NDRG3: variants seen among roughly 807,000 people sequenced by gnomAD.
NDRG3 encodes NDRG family member 3.
NDRG3 carries 23 observed loss-of-function variants against 57.2 expected under a neutral mutation model. The observed-to-expected ratio is 0.40, with a 90% CI of 0.29 to 0.57. The LOEUF (loss-of-function observed/expected upper bound fraction) is 0.57, where lower values mean the gene tolerates loss of function less well. Among genes scored for constraint, NDRG3 ranks in the 20% least tolerant of loss-of-function variants. NDRG3 has a pLI of 0.42. For missense variants in NDRG3, 384 were observed against 457.3 expected, an observed-to-expected ratio of 0.84 and a Z score of 1.46; for synonymous variants, 132 against 162.6, an observed-to-expected ratio of 0.81 and a Z score of 1.43.
chr20:36,655,850 T>C (rs1042917163), intron 15 of NDRG3, among the ~76,000 whole-genome samples: 5 of 152,108 alleles, frequency 3.3e-5, no homozygotes, highest in Non-Finnish European at 7.3e-5. Flanking sequence ...ATTAAGAATA[T>C]ATAGGTTGGG....
At chr20:36,664,949 A>G (rs1979491879) in intron 12 of NDRG3, 97 bp downstream of exon 12, 2 of 1,253,340 alleles carry the variant, frequency 1.6e-6, no homozygotes, top group African/African-American at 1.5e-5. Flanking sequence ...TCAGCCTCTC[A>G]AAGTGTTGGG....
intron 9 of NDRG3, 63 bp downstream of exon 9, chr20:36,671,278 G>T: frequency 7.3e-7 from 1 of 1,361,358 alleles, no homozygotes; most frequent in Non-Finnish European, 1.0e-6. Flanking sequence ...CTTTCCTAAG[G>T]TAAAATAAGA....
intron 8 of NDRG3, among the ~76,000 whole-genome samples, chr20:36,676,306 G>A (rs964487993): frequency 5.3e-5 from 8 of 151,978 alleles, no homozygotes; most frequent in African/African-American, 7.2e-5. Context: ...TCTTTTAGCA[G>A]GAAATAAAAC....
At chr20:36,703,646 C>CT (rs1044529819) in intron 3 of NDRG3, among the ~76,000 whole-genome samples, 2 of 151,956 alleles carry the variant, frequency 1.3e-5, no homozygotes, top group African/African-American at 4.8e-5. Context: ...AGAAGGGGGT[C>CT]TCCCTATGTT....
At chr20:36,688,920 G>A (rs971575744) in intron 3 of NDRG3, 136 bp from the exon 4 acceptor site, 18 of 678,858 alleles carry the variant, frequency 2.7e-5, no homozygotes, top group African/African-American at 1.4e-4. Context: ...GTGGCTGGGC[G>A]TGGTGGTTCA....
intron 2 of NDRG3, among the ~76,000 whole-genome samples, chr20:36,708,663 A>AG (rs1182617892): frequency 6.6e-6 from 1 of 151,786 alleles, no homozygotes; most frequent in Non-Finnish European, 1.5e-5. Context: ...AAAAAAAAAA[A>AG]AAAGAAAAAG....
intron 8 of NDRG3, among the ~76,000 whole-genome samples, chr20:36,678,783 T>C (rs1459733923): frequency 6.6e-6 from 1 of 152,232 alleles, no homozygotes; most frequent in Non-Finnish European, 1.5e-5. Context: ...ATTTTGGTAA[T>C]GGAAAACATA....
intron 8 of NDRG3, among the ~76,000 whole-genome samples, chr20:36,680,466 C>T (rs1050868255): frequency 1.0e-4 from 14 of 136,400 alleles, no homozygotes; most frequent in Admixed American, 7.1e-4. Context: ...GCCTGGGCAA[C>T]AGAGTGAGAC....
chr20:36,662,488 C>T lies in NDRG3; in HGVS notation c.811-2104G>A, dbSNP rs554348770. Reference sequence around the variant, plus strand: ...TCGGCCTCCCAAAGTGCTGGGATTACGAGCGTGAGCCACAACCACTGGTTT... The same window carrying T: ...TCGGCCTCCCAAAGTGCTGGGATTATGAGCGTGAGCCACAACCACTGGTTT... On this transcript the variant is annotated intron_variant, in intron 12 of 15. Coordinates refer to ENST00000349004, the MANE Select transcript of NDRG3 (RefSeq NM_032013.4). 3.7e-4 allele frequency among the ~76,000 whole-genome samples: 57 copies of T among 152,226 alleles called. No homozygotes were observed. The South Asian group carries it at 3.9e-3, about 11-fold the overall frequency.
intron 1 of NDRG3, among the ~76,000 whole-genome samples, chr20:36,727,703 G>A (rs1179560646): frequency 6.6e-6 from 1 of 151,776 alleles, no homozygotes; most frequent in Non-Finnish European, 1.5e-5. Context: ...CACCACGCCC[G>A]GCTAATTTTT....
chr20:36,682,771 G>T (rs1981417192), intron 6 of NDRG3, among the ~76,000 whole-genome samples, 193 bp from the exon 7 acceptor site: 1 of 152,212 alleles, frequency 6.6e-6, no homozygotes, highest in Admixed American at 6.5e-5. Flanking sequence ...AAGGATCTCA[G>T]CTGGGCGCAG....
In NDRG3 at chr20:36,665,260, T is replaced by C; in HGVS notation, c.734A>G (p.Asn245Ser). The change falls in exon 11 of 16, where the codon AAT becomes AGT. Residue 245 changes from asparagine to serine, a missense_variant. Asn to Ser is a conservative substitution (Grantham distance 46). Transcript: ENST00000349004. ...LEIERPILGQNDNKSKTLKCS... is the reference protein window; with the variant it reads ...LEIERPILGQSDNKSKTLKCS... Reference sequence around the variant, plus strand: ...CTTTAATGTTTTTGATTTGTTATCATTTTGGCCCAGTATGGGTCTTTCGAT... The same window carrying C: ...CTTTAATGTTTTTGATTTGTTATCACTTTGGCCCAGTATGGGTCTTTCGAT... 1.2e-6 allele frequency: 2 copies of C among 1,614,198 alleles called. No homozygotes were observed. The highest frequency in any genetic ancestry group is 1.7e-6 in the Non-Finnish European group (2 of 1,180,024).
intron 3 of NDRG3, among the ~76,000 whole-genome samples, chr20:36,695,714 C>T (rs933302974): frequency 3.9e-5 from 6 of 152,232 alleles, no homozygotes; most frequent in Non-Finnish European, 8.8e-5. Context: ...AATGACAATG[C>T]ATGCACAGCG....
At chr20:36,740,010 G>C (rs1303821890) in intron 1 of NDRG3, among the ~76,000 whole-genome samples, 1 of 151,176 alleles carries the variant, frequency 6.6e-6, no homozygotes, top group Non-Finnish European at 1.5e-5. Context: ...AATTCTACTT[G>C]ATCAATTGAA....
intron 3 of NDRG3, among the ~76,000 whole-genome samples, chr20:36,704,927 G>A (rs1983454133): frequency 1.3e-5 from 2 of 152,124 alleles, no homozygotes; most frequent in Non-Finnish European, 2.9e-5. Flanking sequence ...GAAAAAATGG[G>A]CAACGGATTC....
intron 9 of NDRG3, among the ~76,000 whole-genome samples, chr20:36,667,874 C>G (rs984455599): frequency 1.3e-5 from 2 of 152,076 alleles, no homozygotes; most frequent in African/African-American, 4.8e-5. Context: ...CTGAAGGGTA[C>G]GCGAATCACT....
intron 1 of NDRG3, among the ~76,000 whole-genome samples, chr20:36,734,184 G>A (rs967450596): frequency 1.3e-4 from 20 of 151,700 alleles, no homozygotes; most frequent in African/African-American, 3.6e-4. Context: ...TCCAGCCTGA[G>A]TGACAGAGCG....
intron 2 of NDRG3, among the ~76,000 whole-genome samples, chr20:36,715,965 G>A (rs544875128): frequency 3.3e-5 from 5 of 149,632 alleles, no homozygotes; most frequent in South Asian, 2.1e-4. Context: ...AATACAAAAC[G>A]TAGCCAGGCA....
At position 36,680,931 on chromosome 20, in the gene NDRG3, G is replaced by A. The variant is rs189947765; in HGVS notation, c.445-29C>T. On this transcript the variant is annotated intron_variant, in intron 7 of 15. Coordinates refer to ENST00000349004, the MANE Select transcript of NDRG3 (RefSeq NM_032013.4). ...AAAGATGAGGCAAAGACAATAGTAT[G>A]AAAGCTACACTCCCACAGTTCTTCT... The A allele has an allele frequency of 1.8e-5, 28 of 1,576,508 alleles. No individual in the cohort carries two copies. The Admixed American group carries it at 3.8e-4, about 22-fold the overall frequency.
Sources: allele counts gnomAD v4.1 joint callset (sites outside exome capture counted in the v4.1 genomes callset), GRCh38; gene constraint gnomAD v4.1.1; transcripts MANE v1.5; gene names NCBI Gene and HGNC (gene_info 2026-07-23, HGNC 2026-07-21).